ADGRE3: variants seen among roughly 807,000 people sequenced by gnomAD.
ADGRE3 encodes the protein adhesion G protein-coupled receptor E3, also known as EGF-like module receptor 3.
Under a neutral mutation model 80.1 loss-of-function variants are expected in ADGRE3, and 88 were observed. That is an observed-to-expected ratio of 1.10 (90% CI 0.93 to 1.31). ADGRE3 has a LOEUF of 1.31. Ranked by LOEUF, ADGRE3 falls within the 40% of genes most tolerant of loss-of-function variation. The pLI, the probability that ADGRE3 is intolerant of heterozygous loss-of-function variation, is 0.00. For missense variants in ADGRE3, 715 were observed against 776.5 expected (o/e 0.92, Z 0.94); for synonymous variants, 281 against 294.8 (o/e 0.95, Z 0.48).
At chr19:14,624,925 A>G (rs1414120842) in intron 15 of ADGRE3, among the ~76,000 whole-genome samples, 2 of 151,754 alleles carry the variant, frequency 1.3e-5, no homozygotes, top group African/African-American at 4.8e-5. Flanking sequence ...CTGTTAGGGG[A>G]CGTTGGAGGG....
chr19:14,620,553 TATATATA>T (rs1970560178), intron 15 of ADGRE3, among the ~76,000 whole-genome samples: 1 of 24,888 alleles, frequency 4.0e-5, no homozygotes, highest in Non-Finnish European at 7.1e-5. Context: ...ATATATTATA[TATATATA>T]TATATATATT....
intron 1 of ADGRE3, among the ~76,000 whole-genome samples, chr19:14,670,862 T>C (rs191784638): frequency 6.6e-6 from 1 of 152,212 alleles, no homozygotes; most frequent in Non-Finnish European, 1.5e-5. Flanking sequence ...TTACACCACA[T>C]AGCCTCTCCT....
intron 9 of ADGRE3, 99 bp downstream of exon 9, chr19:14,644,009 C>A (rs940357326): frequency 3.9e-6 from 3 of 773,578 alleles, no homozygotes; most frequent in African/African-American, 2.2e-5. Context: ...CCATGCTCGG[C>A]CTTTTTTCAG....
intron 15 of ADGRE3, among the ~76,000 whole-genome samples, chr19:14,623,681 G>A (rs992645194): frequency 6.6e-6 from 1 of 152,172 alleles, no homozygotes; most frequent in Non-Finnish European, 1.5e-5. Context: ...CACTCTGTGG[G>A]CCCACATCCA....
chr19:14,631,185 T>C (rs1185423557), intron 13 of ADGRE3, among the ~76,000 whole-genome samples: 1 of 152,124 alleles, frequency 6.6e-6, no homozygotes, highest in East Asian at 1.9e-4. Flanking sequence ...GTCATATAAT[T>C]TGTTATTCAA....
intron 8 of ADGRE3, among the ~76,000 whole-genome samples, chr19:14,646,341 C>CT (rs1424858290): frequency 6.6e-6 from 1 of 152,162 alleles, no homozygotes; most frequent in African/African-American, 2.4e-5. Flanking sequence ...CACTTGATCA[C>CT]TTGACCTCAT....
chr19:14,626,151 T>C (rs1022580155), intron 14 of ADGRE3, among the ~76,000 whole-genome samples: 2 of 152,012 alleles, frequency 1.3e-5, no homozygotes, highest in African/African-American at 4.8e-5. Context: ...TGTAGAAAAT[T>C]TATGGCCAGG....
intron 5 of ADGRE3, 26 bp downstream of exon 5, chr19:14,658,487 G>A: frequency 2.0e-6 from 3 of 1,520,462 alleles, no homozygotes; most frequent in Admixed American, 1.9e-5. Flanking sequence ...TACCTGGGAA[G>A]GGTCTGGGGA....
At chr19:14,626,928 C>T (rs1028061068) in intron 14 of ADGRE3, among the ~76,000 whole-genome samples, 6 of 152,172 alleles carry the variant, frequency 3.9e-5, no homozygotes, top group African/African-American at 1.4e-4. Flanking sequence ...ATGGGCCAGG[C>T]GTGTCCTGTG....
chr19:14,609,533 C>T, the ADGRE3 span, among the ~76,000 whole-genome samples: 1 of 152,108 alleles, frequency 6.6e-6, no homozygotes, highest in African/African-American at 2.4e-5. Context: ...CAGAAACTGA[C>T]CAGATTCAGA....
chr19:14,606,965 G>C, the ADGRE3 span: 2 of 1,198,636 alleles, frequency 1.7e-6, no homozygotes, highest in Non-Finnish European at 2.1e-6. Flanking sequence ...TAGAGGAATG[G>C]CTGGCTGAAT....
At chr19:14,639,580 T>C (rs1033772437) in intron 10 of ADGRE3, among the ~76,000 whole-genome samples, 4 of 151,606 alleles carry the variant, frequency 2.6e-5, no homozygotes, top group African/African-American at 9.7e-5. Flanking sequence ...AATTTTGTTA[T>C]TTTTTTTGTT....
At chr19:14,602,395 T>C in the ADGRE3 span, among the ~76,000 whole-genome samples, 1 of 152,128 alleles carries the variant, frequency 6.6e-6, no homozygotes, top group African/African-American at 2.4e-5. Context: ...GCTCAAGTGA[T>C]TATCCCACCT....
chr19:14,674,491 T>C (rs1214099405), intron 1 of ADGRE3, among the ~76,000 whole-genome samples: 1 of 151,410 alleles, frequency 6.6e-6, no homozygotes, highest in Admixed American at 6.6e-5. Flanking sequence ...AGTGAGATTC[T>C]GTCTCAAAAA....
At chr19:14,661,123 G>A (rs1971935868) in intron 4 of ADGRE3, among the ~76,000 whole-genome samples, 1 of 152,006 alleles carries the variant, frequency 6.6e-6, no homozygotes, top group African/African-American at 2.4e-5. Context: ...TGTATTTTTA[G>A]TAGAAATGGG....
Position 14,630,098 on chromosome 19 carries a change from T to C in ADGRE3, c.1753A>G (p.Ile585Val). The C allele has an allele frequency of 6.2e-7, 1 of 1,612,362 alleles. No homozygotes were observed. Among genetic ancestry groups the C allele is most frequent in the East Asian group, 2.2e-5 (1 of 44,866 alleles). Residue 585 changes from isoleucine (I) to valine (V), a missense_variant, in exon 14 of 16, where the codon ATC (isoleucine) becomes GTC (valine). Ile to Val is a conservative substitution (Grantham distance 29, BLOSUM62 3). Coordinates refer to ENST00000253673, the MANE Select transcript of ADGRE3 (RefSeq NM_032571.5). The part of the protein sequence containing the change: ...AAQVMAYLFT[I>V]INSLQGFFIF... The stretch of plus-strand genomic sequence containing the variant: ...AAGAAGCCTTGGAGGCTGTTGATGA[T>C]GGTGAAGAGGTAGGCCATGACCTGG...
chr19:14,613,328 C>T, the ADGRE3 span, among the ~76,000 whole-genome samples: 1 of 151,972 alleles, frequency 6.6e-6, no homozygotes, highest in Non-Finnish European at 1.5e-5. Flanking sequence ...CTCAAGAAAT[C>T]CTCCGTCCTC....
chr19:14,656,204 G>A (rs979612560), intron 5 of ADGRE3, among the ~76,000 whole-genome samples: 1 of 151,800 alleles, frequency 6.6e-6, no homozygotes, highest in Non-Finnish European at 1.5e-5. Context: ...AATTAGCCGG[G>A]CATGGTGGCG....
chr19:14,631,235 C>T (rs1468532444), intron 13 of ADGRE3, among the ~76,000 whole-genome samples: 5 of 152,046 alleles, frequency 3.3e-5, no homozygotes, highest in Admixed American at 6.6e-5. Flanking sequence ...TGTACTGTTC[C>T]TAACAGAAAG....
Sources: allele counts gnomAD v4.1 joint callset (sites outside exome capture counted in the v4.1 genomes callset), GRCh38; gene constraint gnomAD v4.1.1; transcripts MANE v1.5; gene names NCBI Gene and HGNC (gene_info 2026-07-23, HGNC 2026-07-21).